The following LMF1 variants were observed in gnomAD, a reference collection of about 807,000 sequenced individuals.
The protein encoded by LMF1 is lipase maturation factor 1.
Under a neutral mutation model 60.6 loss-of-function variants are expected in LMF1, and 68 were observed. The ratio of observed to expected loss-of-function variants is 1.12; its 90% CI spans 0.92 to 1.37. The LOEUF (loss-of-function observed/expected upper bound fraction) is 1.37. LMF1 is among the 40% of genes most tolerant of loss of function. The pLI, the probability that LMF1 is intolerant of heterozygous loss-of-function variation, is 0.00. For synonymous variants in LMF1, 418 were observed against 324.7 expected (o/e 1.29, Z -3.09); for missense variants, 948 against 767.2 (o/e 1.24, Z -2.78).
chr16:857,154 C>G (rs528530140), intron 10 of LMF1, among the ~76,000 whole-genome samples: 1 of 152,236 alleles, frequency 6.6e-6, no homozygotes, highest in African/African-American at 2.4e-5. Context: ...CTAGTTTGTG[C>G]GGTCGCTCTC....
chr16:954,965 CACACAT>C (rs2072641048), intron 1 of LMF1, among the ~76,000 whole-genome samples: 1 of 140,100 alleles, frequency 7.1e-6, no homozygotes, highest in Non-Finnish European at 1.6e-5. Flanking sequence ...CATCCACACA[CACACAT>C]ATCTAAGTGA....
intron 5 of LMF1, among the ~76,000 whole-genome samples, chr16:890,262 G>A (rs538850568): frequency 2.0e-5 from 3 of 152,328 alleles, no homozygotes; most frequent in African/African-American, 7.2e-5. Context: ...GCTACTCCAG[G>A]TACTCGCTCC....
rs571349526 is a variant in LMF1 at position 874,912 on chromosome 16, C to T, written c.898-3571G>A. Among the ~76,000 whole-genome samples the T allele has an allele frequency of 1.2e-3, 178 of 152,298 alleles. No homozygotes were observed. Among genetic ancestry groups the T allele is most frequent in the African/African-American group, 4.3e-3 (177 of 41,558 alleles). On this transcript the variant is annotated intron_variant, in intron 6 of 10. Transcript: ENST00000262301. The surrounding 1 kb of genome is among the most constrained non-coding windows in gnomAD (Gnocchi z 4.1). ...CCACACCATATCATCCCCCAGACAC[C>T]CTCTGCCCTGTACGCCTGTGGGGGC...
chr16:892,888 TG>T, intron 5 of LMF1, 118 bp downstream of exon 5: 3 of 728,886 alleles, frequency 4.1e-6, no homozygotes, highest in Non-Finnish European at 6.5e-6. Flanking sequence ...CCTGAATCAA[TG>T]GGGGTGACCC....
intron 3 of LMF1, among the ~76,000 whole-genome samples, chr16:929,301 G>A (rs186696678): frequency 1.1e-4 from 17 of 152,304 alleles, no homozygotes; most frequent in African/African-American, 3.4e-4. Flanking sequence ...CCCAGAGCCC[G>A]CTCTCCATAC....
At chr16:976,318 A>T (rs1488938401) in intron 1 of LMF1, 4 of 453,670 alleles carry the variant, frequency 8.8e-6, no homozygotes, top group Non-Finnish European at 1.3e-5. Flanking sequence ...GGTTCAGTGG[A>T]GCAATGACCA....
chr16:893,672 C>T (rs1169465827), intron 4 of LMF1, among the ~76,000 whole-genome samples: 3 of 151,974 alleles, frequency 2.0e-5, no homozygotes, highest in Admixed American at 1.3e-4. Context: ...AGAGAGGCTG[C>T]GGGGCTGGGG....
chr16:864,376 T>C (rs1042410966), intron 10 of LMF1, among the ~76,000 whole-genome samples: 1 of 152,234 alleles, frequency 6.6e-6, no homozygotes, highest in African/African-American at 2.4e-5. Context: ...GGATACGCAC[T>C]CGGTAGGAAC....
intron 5 of LMF1, 141 bp from the exon 6 acceptor site, chr16:879,878 G>A (rs1173375896): frequency 1.7e-5 from 13 of 756,472 alleles, no homozygotes; most frequent in Admixed American, 2.8e-5. Flanking sequence ...CTGCACACGT[G>A]GAGCCCACCT....
intron 3 of LMF1, among the ~76,000 whole-genome samples, chr16:911,711 G>A (rs1022793566): frequency 2.9e-5 from 4 of 140,124 alleles, no homozygotes; most frequent in African/African-American, 7.8e-5. Flanking sequence ...CACTGGGGAG[G>A]CAGCACTGGG....
chr16:947,436 C>T (rs1458215430), intron 2 of LMF1: 1 of 455,300 alleles, frequency 2.2e-6, no homozygotes, highest in Admixed American at 2.4e-5. Flanking sequence ...TGTTCATCGT[C>T]AGTGAGAAAT....
intron 2 of LMF1, among the ~76,000 whole-genome samples, chr16:949,580 A>AACGACAGAGTCAGAG (rs1292599513): frequency 2.9e-4 from 36 of 126,164 alleles, no homozygotes; most frequent in African/African-American, 1.0e-3. Context: ...AGTCAGAGAC[A>AACGACAGAGTCAGAG]ACGACAGAGT....
At chr16:947,781 G>A (rs879807043) in intron 2 of LMF1, 10 of 352,958 alleles carry the variant, frequency 2.8e-5, no homozygotes, top group African/African-American at 4.3e-5. Flanking sequence ...CAGAGCCAAC[G>A]ACAGAGTCAG....
intron 4 of LMF1, chr16:899,494 TGCC>T (rs2070750678): frequency 6.6e-6 from 1 of 152,212 alleles, no homozygotes; most frequent in Non-Finnish European, 1.5e-5. Flanking sequence ...GGAGTGTGGC[TGCC>T]CAGGACCAGG....
At chr16:857,768 C>T (rs1278407369) in intron 10 of LMF1, among the ~76,000 whole-genome samples, 3 of 25,422 alleles carry the variant, frequency 1.2e-4, no homozygotes, top group Admixed American at 4.2e-4. Context: ...TGTCTCGGGA[C>T]GGGTGTGCGT....
At chr16:959,982 C>T (rs1184656049) in intron 1 of LMF1, among the ~76,000 whole-genome samples, 2 of 151,594 alleles carry the variant, frequency 1.3e-5, no homozygotes, top group Admixed American at 6.6e-5. Flanking sequence ...TAGGTGGATA[C>T]GACAGAGAAG....
chr16:976,481 T>C, intron 1 of LMF1: 1 of 454,056 alleles, frequency 2.2e-6, no homozygotes, highest in Non-Finnish European at 4.4e-6. Context: ...AGGCTGGGCC[T>C]CCCTCGACGG....
chr16:911,795 G>C (rs369205663), intron 3 of LMF1, among the ~76,000 whole-genome samples: 82 of 152,168 alleles, frequency 5.4e-4, no homozygotes, highest in African/African-American at 1.9e-3. Flanking sequence ...TGGAAGCCAG[G>C]CAAGGATGCA....
Position 871,230 on chromosome 16 carries a change from CT to C in LMF1, c.1008del (p.Gly337AlafsTer3), listed in dbSNP as rs2069780737. On this transcript the variant is annotated frameshift_variant, in exon 7 of 11. Coordinates refer to ENST00000262301, the MANE Select transcript of LMF1 (RefSeq NM_022773.4). LOFTEE classifies it high-confidence loss of function. Reference sequence around the variant, plus strand: ...TGCAGAACTCGGTCCTTCAGGCTGCCTGGCCCAGAGGGGAACAAGAATCCCA... The same window carrying C: ...TGCAGAACTCGGTCCTTCAGGCTGCCGGCCCAGAGGGGAACAAGAATCCCA... ...ATLGFLFPSG[P>X]GSLKDRVLQM... 6.2e-7 allele frequency: 1 copy of C among 1,612,138 alleles called. No homozygotes were observed.
Sources: allele counts gnomAD v4.1 joint callset (sites outside exome capture counted in the v4.1 genomes callset), GRCh38; gene constraint gnomAD v4.1.1; non-coding constraint Gnocchi (gnomAD v3.1); transcripts MANE v1.5; gene names NCBI Gene and HGNC (gene_info 2026-07-23, HGNC 2026-07-21).